RAE1: variants seen among roughly 807,000 people sequenced by gnomAD.
RAE1 encodes ribonucleic acid export 1.
RAE1 carries 13 observed loss-of-function variants against 52.7 expected under a neutral mutation model. The ratio of observed to expected loss-of-function variants is 0.25; its 90% CI spans 0.16 to 0.39. The LOEUF (loss-of-function observed/expected upper bound fraction) is 0.39, where lower values mean the gene tolerates loss of function less well. Ranked by LOEUF, RAE1 falls within the 10% of genes least tolerant of loss-of-function variation. The probability of loss-of-function intolerance (pLI) is 1.00; values close to 1 mark genes in which losing one functional copy is unlikely to be tolerated. For synonymous variants in RAE1, 164 were observed against 153.1 expected (o/e 1.07, Z -0.52); for missense variants, 262 against 459.8 (o/e 0.57, Z 3.93).
rs2067148626 is a variant in RAE1, at chr20:57,378,559, A to G, written c.*460A>G. On this transcript the variant is annotated 3_prime_UTR_variant, in exon 12 of 12. Transcript: ENST00000395841. The stretch of plus-strand genomic sequence containing the variant: ...GTGGGGTTTTGAGTTGAGATTTCAG[A>G]CACCCTCTGGGAAATGCGGCAACCT... The G allele has an allele frequency of 6.5e-6, 1 of 154,616 alleles. No homozygotes were observed. The highest frequency in any genetic ancestry group is 1.4e-5 in the Non-Finnish European group (1 of 69,816). 9.6% of individuals were successfully genotyped at this position (154,616 alleles called of 1,614,324 possible). A position where few individuals can be genotyped will look rare whatever the true frequency, so the allele number is the denominator to read the frequency against.
At position 57,351,908 on chromosome 20, in the gene RAE1, G is replaced by C. The variant is rs904063432; in HGVS notation, c.-8+486G>C. ...GTATATAGGTGCCACCGTACAGGCA[G>C]TACTTCTCCAGGCAAGTAGTATTAA... On this transcript the variant is annotated intron_variant, in intron 1 of 11. Transcript: ENST00000395841. The C allele has an allele frequency of 1.6e-5, 16 of 985,406 alleles. No homozygotes were observed. The African/African-American group carries it at 2.6e-4, about 16-fold the overall frequency. The allele number at this position is 985,406 out of a possible 1,614,324, so 61.0% of individuals were successfully genotyped here.
At position 57,378,764 on chromosome 20, in the gene RAE1, T is replaced by TA. The variant is rs1283292235; in HGVS notation, c.*666dup. Reference sequence around the variant, plus strand: ...TCCGAGTGACTCAAATGGGGACTGTTACTTGTGCTGGGTGACAGGCCATTT... The same window carrying TA: ...TCCGAGTGACTCAAATGGGGACTGTTAACTTGTGCTGGGTGACAGGCCATTT... On this transcript the variant is annotated 3_prime_UTR_variant, in exon 12 of 12. Coordinates refer to ENST00000395841, the MANE Select transcript of RAE1 (RefSeq NM_003610.4). 5 of 152,262 alleles carry TA rather than the reference T, an allele frequency of 3.3e-5. No homozygotes were observed. Among genetic ancestry groups the TA allele is most frequent in the Non-Finnish European group, 5.9e-5 (4 of 68,076 alleles). 9.4% of individuals were successfully genotyped at this position (152,262 alleles called of 1,614,324 possible).
At chr20:57,361,136 G>GT (rs1007391259) in intron 4 of RAE1, among the ~76,000 whole-genome samples, 1 of 152,178 alleles carries the variant, frequency 6.6e-6, no homozygotes, top group Non-Finnish European at 1.5e-5. Context: ...GTTGCTTACA[G>GT]TTCTGGAAAT....
chr20:57,373,314 A>C (rs2067063768), intron 8 of RAE1, 161 bp from the exon 9 acceptor site: 1 of 651,992 alleles, frequency 1.5e-6, no homozygotes. Context: ...AGATGGAGTT[A>C]CTAAGGAGTT....
At chr20:57,359,115 A>T in intron 4 of RAE1, 2 of 1,074,532 alleles carry the variant, frequency 1.9e-6, no homozygotes, top group Non-Finnish European at 2.5e-6. Context: ...TGTTGAATAT[A>T]TGTCACTGGG....
intron 3 of RAE1, among the ~76,000 whole-genome samples, chr20:57,355,850 T>G (rs6064533): frequency 0.096 from 14,604 of 152,094 alleles, 1,445 homozygotes; most frequent in African/African-American, 0.26. Flanking sequence ...GATTTCAGAT[T>G]ATTTGCTGCT....
intron 3 of RAE1, among the ~76,000 whole-genome samples, chr20:57,355,973 G>A (rs1348257154): frequency 1.3e-5 from 2 of 152,228 alleles, no homozygotes; most frequent in Non-Finnish European, 2.9e-5. Flanking sequence ...ATGCGTACAT[G>A]GAAAGAAGAC....
chr20:57,358,719 C>T (rs936807363), intron 4 of RAE1: 1 of 326,176 alleles, frequency 3.1e-6, no homozygotes, highest in African/African-American at 2.1e-5. Context: ...TCGATATGGA[C>T]TCTAGTATAG....
intron 3 of RAE1, among the ~76,000 whole-genome samples, chr20:57,355,974 G>A (rs2066779331): frequency 1.3e-5 from 2 of 152,210 alleles, no homozygotes; most frequent in African/African-American, 4.8e-5. Flanking sequence ...TGCGTACATG[G>A]AAAGAAGACT....
intron 4 of RAE1, chr20:57,358,222 A>G (rs2066825700): frequency 6.6e-6 from 1 of 152,220 alleles, no homozygotes; most frequent in African/African-American, 2.4e-5. Context: ...ATTGCATCAA[A>G]AAATGGTTCA....
At position 57,369,697 on chromosome 20, in the gene RAE1, C is replaced by A. The variant is rs182302428; in HGVS notation, c.642+885C>A. Among the ~76,000 whole-genome samples, 32 of 152,340 alleles carry A rather than the reference C, an allele frequency of 2.1e-4. No individual in the cohort carries two copies. The East Asian group carries it at 5.6e-3, about 27-fold the overall frequency. On this transcript the variant is annotated intron_variant, in intron 8 of 11. Transcript: ENST00000395841. ...TGTCTGCATCATGCCTAGATGCTTGCTAGCTTTTTCACCTTAGCTCAATCC... is the reference window on the plus strand; with the variant it reads ...TGTCTGCATCATGCCTAGATGCTTGATAGCTTTTTCACCTTAGCTCAATCC...
intron 8 of RAE1, chr20:57,372,038 TAATC>T (rs2067043179): frequency 6.6e-6 from 1 of 152,036 alleles, no homozygotes; most frequent in African/African-American, 2.4e-5. Flanking sequence ...GGGAGCTACT[TAATC>T]AATGGGATGA....
At chr20:57,351,689 C>T (rs1405420525) in intron 1 of RAE1, 33 of 985,514 alleles carry the variant, frequency 3.3e-5, no homozygotes, top group Non-Finnish European at 4.0e-5. Flanking sequence ...TCGCCTCTGT[C>T]CCTCCCCCTT....
Position 57,365,417 on chromosome 20 carries a change from G to C in RAE1, c.350G>C (p.Ser117Thr). The C allele has an allele frequency of 3.7e-6, 6 of 1,609,824 alleles. No individual in the cohort carries two copies. Among genetic ancestry groups the C allele is most frequent in the South Asian group, 3.3e-5 (3 of 90,552 alleles). ...DKTAKMWDLS[S>T]NQAIQIAQHD... is the part of the protein sequence containing the mutation. ...ACTGCCAAAATGTGGGACCTCAGCA[G>C]TAACCAAGCGATACAGATCGCACAG... The change falls in exon 5 of 12, where the codon AGT (serine) becomes ACT (threonine). Residue 117 changes from serine to threonine, a missense_variant. By Grantham distance (58) the Ser-to-Thr change is moderately conservative (BLOSUM62 1). Coordinates refer to ENST00000395841, the MANE Select transcript of RAE1 (RefSeq NM_003610.4).
intron 4 of RAE1, among the ~76,000 whole-genome samples, chr20:57,360,841 G>T (rs1278822333): frequency 1.3e-5 from 2 of 152,218 alleles, no homozygotes; most frequent in African/African-American, 4.8e-5. Context: ...GGGTGTGGTT[G>T]AGCAAAGTGT....
At chr20:57,351,458 G>A in intron 1 of RAE1, 36 bp downstream of exon 1, 5 of 985,488 alleles carry the variant, frequency 5.1e-6, no homozygotes, top group Non-Finnish European at 6.0e-6. Context: ...GTCGTTAACC[G>A]CCGCCATGGC....
intron 11 of RAE1, among the ~76,000 whole-genome samples, chr20:57,376,348 A>G (rs1452395708): frequency 6.6e-6 from 1 of 152,228 alleles, no homozygotes; most frequent in East Asian, 1.9e-4. Context: ...AACTATCACC[A>G]TAGTCATCTC....
At chr20:57,370,658 C>A (rs1019538443) in intron 8 of RAE1, among the ~76,000 whole-genome samples, 12 of 152,244 alleles carry the variant, frequency 7.9e-5, no homozygotes, top group Non-Finnish European at 1.8e-4. Context: ...ACATGTTACC[C>A]TTGCCTCAGG....
Position 57,354,715 on chromosome 20 carries a change from A to G in RAE1, c.94A>G (p.Ile32Val). Residue 32 changes from isoleucine (I) to valine (V), a missense_variant, in exon 3 of 12, where the codon ATT becomes GTT. Coordinates refer to ENST00000395841, the MANE Select transcript of RAE1 (RefSeq NM_003610.4). ...TTDNHNPMKD[I>V]EVTSSPDDSI... The stretch of plus-strand genomic sequence containing the variant: ...AACATTGACTTTTTTCCCGCAGGAT[A>G]TTGAAGTAACATCATCTCCTGATGA... 1 of 1,573,030 alleles carries G rather than the reference A, an allele frequency of 6.4e-7. No homozygotes were observed. Among genetic ancestry groups the G allele is most frequent in the Non-Finnish European group, 8.6e-7 (1 of 1,165,158 alleles).
Sources: gnomAD v4.1 joint callset for allele counts (sites outside exome capture counted in the v4.1 genomes callset) on GRCh38, gnomAD v4.1.1 for gene constraint, MANE v1.5 for transcripts, NCBI Gene and HGNC (gene_info 2026-07-23, HGNC 2026-07-21) for gene names.